The following ESR1 variants were observed in gnomAD, a reference collection of about 807,000 sequenced individuals.
The protein encoded by ESR1 is estrogen receptor.
In ESR1, 12 loss-of-function variants were observed where a neutral mutation model predicts 52.7. The ratio of observed to expected loss-of-function variants is 0.23; its 90% CI spans 0.15 to 0.37. The LOEUF (loss-of-function observed/expected upper bound fraction) is 0.37, where lower values mean the gene tolerates loss of function less well. Among genes scored for constraint, ESR1 ranks in the 10% least tolerant of loss-of-function variants. ESR1 has a pLI of 1.00. For missense variants in ESR1, 584 were observed against 779.7 expected (o/e 0.75, Z 2.99); for synonymous variants, 305 against 316.8 (o/e 0.96, Z 0.39).
chr6:151,690,016 G>A (rs1309679485), upstream of ESR1, among the ~76,000 whole-genome samples: 1 of 152,140 alleles, frequency 6.6e-6, no homozygotes, highest in African/African-American at 2.4e-5. Flanking sequence ...GCTGAAGAGT[G>A]TGAGAAGCTA....
At chr6:151,722,520 G>T (rs754400147) in intron 2 of ESR1, among the ~76,000 whole-genome samples, 1 of 152,202 alleles carries the variant, frequency 6.6e-6, no homozygotes, top group Non-Finnish European at 1.5e-5. Flanking sequence ...TGCTGTTGGC[G>T]TGAAAGAGGA....
At chr6:151,899,597 G>A (rs1329702564) in intron 3 of ESR1, among the ~76,000 whole-genome samples, 5 of 149,914 alleles carry the variant, frequency 3.3e-5, no homozygotes, top group South Asian at 2.1e-4. Flanking sequence ...CCTCCCTCCC[G>A]GACGGGGTGG....
chr6:151,886,155 T>A (rs551607773), intron 3 of ESR1, among the ~76,000 whole-genome samples: 53 of 152,256 alleles, frequency 3.5e-4, no homozygotes, highest in Admixed American at 3.5e-3. Context: ...CTAAGCTTTT[T>A]TTTCTTTTCT....
At chr6:151,990,395 CTTG>C (rs1460185967) in intron 4 of ESR1, among the ~76,000 whole-genome samples, 1 of 152,012 alleles carries the variant, frequency 6.6e-6, no homozygotes, top group East Asian at 1.9e-4. Flanking sequence ...GCTGGTGTTC[CTTG>C]TTGTTGGGTG....
chr6:151,879,320 A>G (rs1171894849), intron 2 of ESR1, among the ~76,000 whole-genome samples: 1 of 152,140 alleles, frequency 6.6e-6, no homozygotes, highest in Non-Finnish European at 1.5e-5. Flanking sequence ...AACGCGATTC[A>G]TTGGTAATCC....
chr6:152,046,550 C>T (rs78705249), intron 5 of ESR1, among the ~76,000 whole-genome samples: 370 of 151,996 alleles, frequency 2.4e-3, no homozygotes, highest in African/African-American at 8.2e-3. Context: ...GATTGAGAAG[C>T]GTGAAATGAA....
At chr6:151,664,892 C>T (rs1295241830) in intron 1 of ESR1, among the ~76,000 whole-genome samples, 10 of 152,128 alleles carry the variant, frequency 6.6e-5, no homozygotes, top group South Asian at 2.1e-4. Context: ...AAGACTGAAA[C>T]GGTAACTCTC....
At position 151,721,274 on chromosome 6, in the gene ESR1, A is replaced by T. The variant is rs139753890; in HGVS notation, c.-71+19269A>T. Among the ~76,000 whole-genome samples the T allele has an allele frequency of 2.3e-3, 352 of 152,310 alleles. 3 individuals are homozygous for T. The highest frequency in any genetic ancestry group is 9.7e-3 in the South Asian group (47 of 4,830). On this transcript the variant is annotated intron_variant, in intron 2 of 2. Coordinates refer to the ESR1 transcript ENST00000404742. Reference sequence around the variant, plus strand: ...TTGGGTAACAAGATAGGACTTGGCAAGTTAGGGGAGTCGTAAGTGGTTCAT... The same window carrying T: ...TTGGGTAACAAGATAGGACTTGGCATGTTAGGGGAGTCGTAAGTGGTTCAT...
At chr6:152,006,628 G>T (rs1292056463) in intron 4 of ESR1, among the ~76,000 whole-genome samples, 2 of 151,976 alleles carry the variant, frequency 1.3e-5, no homozygotes, top group Admixed American at 1.3e-4. Flanking sequence ...TTCCTTCCAT[G>T]ATTTATTTTT....
At chr6:151,682,999 CAT>C (rs1165372275) in intron 1 of ESR1, among the ~76,000 whole-genome samples, 1 of 152,186 alleles carries the variant, frequency 6.6e-6, no homozygotes, top group Non-Finnish European at 1.5e-5. Context: ...AAATTAGACT[CAT>C]ATTACTATCC....
At chr6:151,750,799 A>G (rs1018247615) in intron 2 of ESR1, among the ~76,000 whole-genome samples, 1 of 152,060 alleles carries the variant, frequency 6.6e-6, no homozygotes, top group African/African-American at 2.4e-5. Context: ...CTGTGATTAG[A>G]AAGTTGAAAA....
chr6:151,899,725 C>A (rs1370429851), intron 3 of ESR1, among the ~76,000 whole-genome samples: 1 of 150,140 alleles, frequency 6.7e-6, no homozygotes, highest in Non-Finnish European at 1.5e-5. Flanking sequence ...TCAGACGGGG[C>A]GGCCCGGCAG....
At chr6:151,833,862 A>G (rs1227584433) in intron 1 of ESR1, among the ~76,000 whole-genome samples, 2 of 152,234 alleles carry the variant, frequency 1.3e-5, no homozygotes, top group Non-Finnish European at 2.9e-5. Flanking sequence ...TAAACACATT[A>G]AAATCTGGCT....
chr6:152,033,575 A>G (rs901469619), intron 5 of ESR1, among the ~76,000 whole-genome samples: 1 of 152,246 alleles, frequency 6.6e-6, no homozygotes, highest in African/African-American at 2.4e-5. Context: ...AGAGAAATGC[A>G]AATCAAAACC....
In ESR1 at chr6:151,807,802, C is replaced by A. The variant is rs965149358; in HGVS notation, c.-111C>A. 5.3e-5 allele frequency: 53 copies of A among 1,004,584 alleles called. No homozygotes were observed. Among genetic ancestry groups the A allele is most frequent in the Non-Finnish European group, 7.6e-5 (50 of 660,134 alleles). The allele number at this position is 1,004,584 out of a possible 1,614,324, so 62.2% of individuals were successfully genotyped here. A position where few individuals can be genotyped will look rare whatever the true frequency, so the allele number is the denominator to read the frequency against. On this transcript the variant is annotated 5_prime_UTR_variant, in exon 1 of 8. Coordinates refer to ENST00000206249, the MANE Select transcript of ESR1 (RefSeq NM_000125.4). ...AGAGCTCGCGTGTCGGCGGGACATG[C>A]GCTGCGTCGCCTCTAACCTCGGGCT...
intron 4 of ESR1, among the ~76,000 whole-genome samples, chr6:151,951,647 A>G (rs1257043588): frequency 6.6e-6 from 1 of 152,184 alleles, no homozygotes; most frequent in African/African-American, 2.4e-5. Flanking sequence ...TAGGACATCA[A>G]AATTGTTCCC....
chr6:152,042,381 G>A (rs1428821052), intron 5 of ESR1, among the ~76,000 whole-genome samples: 1 of 152,166 alleles, frequency 6.6e-6, no homozygotes, highest in Non-Finnish European at 1.5e-5. Flanking sequence ...ACTTTAACTG[G>A]AGGACCACGT....
intron 4 of ESR1, among the ~76,000 whole-genome samples, chr6:151,967,674 A>AT: frequency 6.6e-6 from 1 of 152,192 alleles, no homozygotes. Flanking sequence ...TAGTAGAATG[A>AT]TTTATAATCC....
At chr6:152,078,478 A>G (rs541084562) in intron 6 of ESR1, among the ~76,000 whole-genome samples, 35 of 151,902 alleles carry the variant, frequency 2.3e-4, no homozygotes, top group African/African-American at 8.2e-4. Context: ...TTTTTTTTCC[A>G]TTTAAAAATC....
Sources: gnomAD v4.1 joint callset for allele counts (sites outside exome capture counted in the v4.1 genomes callset) on GRCh38, gnomAD v4.1.1 for gene constraint, MANE v1.5 for transcripts, NCBI Gene and HGNC (gene_info 2026-07-23, HGNC 2026-07-21) for gene names.